The following MARCHF1 variants were observed in gnomAD, a reference collection of about 807,000 sequenced individuals.
MARCHF1 encodes the protein membrane associated ring-CH-type finger 1.
A neutral mutation model predicts 54.2 loss-of-function variants in MARCHF1; 40 were observed. That is an observed-to-expected ratio of 0.74 (90% CI 0.57 to 0.96). The LOEUF (loss-of-function observed/expected upper bound fraction) is 0.96, where lower values mean the gene tolerates loss of function less well. Among genes scored for constraint, MARCHF1 ranks in the 40% least tolerant of loss-of-function variants. The pLI is 0.00. For missense variants in MARCHF1, 586 were observed against 656.5 expected, an observed-to-expected ratio of 0.89 and a Z score of 1.17; for synonymous variants, 236 against 236.3, an observed-to-expected ratio of 1.00 and a Z score of 0.01.
At chr4:163,931,593 C>T (rs755272525) in intron 3 of MARCHF1, among the ~76,000 whole-genome samples, 2 of 152,096 alleles carry the variant, frequency 1.3e-5, no homozygotes, top group Non-Finnish European at 2.9e-5. Flanking sequence ...TCTCAGCTTC[C>T]AGAAAGAAAT....
chr4:164,351,506 A>T (rs1379376696), intron 1 of MARCHF1, among the ~76,000 whole-genome samples: 1 of 151,946 alleles, frequency 6.6e-6, no homozygotes, highest in Non-Finnish European at 1.5e-5. Context: ...GGGCACACTG[A>T]CACCTCACAC....
chr4:163,558,570 G>A (rs1361486263), intron 8 of MARCHF1, among the ~76,000 whole-genome samples: 1 of 152,190 alleles, frequency 6.6e-6, no homozygotes, highest in Non-Finnish European at 1.5e-5. Flanking sequence ...TACATCAACA[G>A]CTGAGGGACA....
chr4:163,582,747 T>G (rs1358521115), intron 8 of MARCHF1, among the ~76,000 whole-genome samples: 1 of 141,044 alleles, frequency 7.1e-6, no homozygotes, highest in East Asian at 2.0e-4. Flanking sequence ...GCTAGCATTC[T>G]CTATAACTGT....
intron 1 of MARCHF1, among the ~76,000 whole-genome samples, chr4:164,217,905 AAAAG>A (rs1235748068): frequency 6.6e-6 from 1 of 152,146 alleles, no homozygotes; most frequent in Non-Finnish European, 1.5e-5. Flanking sequence ...TATTATAACA[AAAAG>A]AGAGAGAGAG....
intron 4 of MARCHF1, chr4:163,829,067 C>T (rs1748941098): frequency 6.6e-6 from 1 of 152,144 alleles, no homozygotes; most frequent in Non-Finnish European, 1.5e-5. Flanking sequence ...CCAACCCTGT[C>T]AAGTCAGGGG....
At chr4:164,223,498 C>T (rs570153355) in intron 1 of MARCHF1, among the ~76,000 whole-genome samples, 4 of 151,918 alleles carry the variant, frequency 2.6e-5, no homozygotes, top group Non-Finnish European at 4.4e-5. Flanking sequence ...ATATTGATTG[C>T]CTTCATTCTT....
chr4:164,257,965 C>A (rs1455524744), intron 1 of MARCHF1, among the ~76,000 whole-genome samples: 1 of 152,122 alleles, frequency 6.6e-6, no homozygotes, highest in Non-Finnish European at 1.5e-5. Context: ...ATGTTTATTG[C>A]AGCACTGTTC....
intron 3 of MARCHF1, among the ~76,000 whole-genome samples, chr4:163,942,645 A>C (rs1418470006): frequency 6.6e-6 from 1 of 152,166 alleles, no homozygotes; most frequent in Non-Finnish European, 1.5e-5. Context: ...TAGCATGATA[A>C]GAGAACTGAA....
chr4:163,613,280 G>C, intron 6 of MARCHF1, 34 bp downstream of exon 6: 1 of 1,567,086 alleles, frequency 6.4e-7, no homozygotes, highest in Non-Finnish European at 8.6e-7. Context: ...TTGATCCAAA[G>C]AATATAGATT....
intron 3 of MARCHF1, among the ~76,000 whole-genome samples, chr4:163,972,822 G>T (rs1752574731): frequency 6.6e-6 from 1 of 151,732 alleles, no homozygotes; most frequent in African/African-American, 2.4e-5. Context: ...CTCCCAAAGT[G>T]CTGGGATTAC....
At chr4:163,692,107 A>G (rs1489376531) in intron 5 of MARCHF1, among the ~76,000 whole-genome samples, 3 of 152,200 alleles carry the variant, frequency 2.0e-5, no homozygotes, top group South Asian at 2.1e-4. Context: ...ATCATTGCTC[A>G]TAAGTCCACA....
intron 4 of MARCHF1, among the ~76,000 whole-genome samples, chr4:163,816,352 A>C (rs1748531544): frequency 6.7e-6 from 1 of 148,978 alleles, no homozygotes; most frequent in Non-Finnish European, 1.5e-5. Context: ...TTTAGAACAT[A>C]TTAGATGAGT....
At chr4:164,023,401 C>T (rs1202884940) in intron 2 of MARCHF1, among the ~76,000 whole-genome samples, 1 of 152,128 alleles carries the variant, frequency 6.6e-6, no homozygotes, top group African/African-American at 2.4e-5. Context: ...GGAAGTAAGA[C>T]CCCCTCTGCT....
chr4:164,174,152 ATGTGCAATCTTGAGCTTTATG>A (rs1178256341), intron 1 of MARCHF1, among the ~76,000 whole-genome samples: 1 of 152,198 alleles, frequency 6.6e-6, no homozygotes, highest in Admixed American at 6.5e-5. Flanking sequence ...CTGAGATTCA[ATGTGCAATCTTGAGCTTTATG>A]TGTGACTAGT....
chr4:164,064,613 TC>T (rs1754688692), intron 2 of MARCHF1, among the ~76,000 whole-genome samples: 1 of 152,182 alleles, frequency 6.6e-6, no homozygotes, highest in Non-Finnish European at 1.5e-5. Context: ...TAGTTTGAAC[TC>T]TCTTCCCATT....
rs145778139 is a variant in MARCHF1, at chr4:163,681,497, G to A, written c.162+19316C>T. Among the ~76,000 whole-genome samples the A allele has an allele frequency of 6.9e-3, 1,049 of 152,186 alleles. 12 individuals carry two copies. The highest frequency in any genetic ancestry group is 0.024 in the African/African-American group (1,015 of 41,526). On this transcript the variant is annotated intron_variant, in intron 5 of 9. Coordinates refer to ENST00000514618, the MANE Select transcript of MARCHF1 (RefSeq NM_001394959.1). ...ATTGTAGTTCCCATAATCCCCATAT[G>A]TCATGGGAAGCACCCATGACATATA...
chr4:163,973,531 C>T (rs1752591345), intron 3 of MARCHF1, among the ~76,000 whole-genome samples: 1 of 152,158 alleles, frequency 6.6e-6, no homozygotes, highest in Admixed American at 6.6e-5. Context: ...TCCCATTGGC[C>T]AAAGCAAGTC....
In MARCHF1 at chr4:163,962,558, G is replaced by A. The variant is rs899034561; in HGVS notation, c.-39+25943C>T. Among the ~76,000 whole-genome samples, 29 of 151,924 alleles carry A rather than the reference G, an allele frequency of 1.9e-4. 1 individual carries two copies. The highest frequency in any genetic ancestry group is 6.0e-4 in the African/African-American group (25 of 41,496). ...TGAAAAGCAGGTCTTTATTGTATCC[G>A]TATTGTGTACTACAACTGTGAAGGA... is the stretch of plus-strand genomic sequence containing the variant. On this transcript the variant is annotated intron_variant, in intron 3 of 9. Coordinates refer to ENST00000514618, the MANE Select transcript of MARCHF1 (RefSeq NM_001394959.1).
intron 1 of MARCHF1, among the ~76,000 whole-genome samples, chr4:164,232,583 A>G (rs1419469184): frequency 6.6e-6 from 1 of 152,116 alleles, no homozygotes; most frequent in Non-Finnish European, 1.5e-5. Flanking sequence ...GCAGCCACCA[A>G]CTGATTTATA....
Sources: gnomAD v4.1 joint callset for allele counts (sites outside exome capture counted in the v4.1 genomes callset) on GRCh38, gnomAD v4.1.1 for gene constraint, MANE v1.5 for transcripts, NCBI Gene and HGNC (gene_info 2026-07-23, HGNC 2026-07-21) for gene names.